The following NTRK3 variants were observed in gnomAD, a reference collection of about 807,000 sequenced individuals.
NTRK3 encodes neurotrophic receptor tyrosine kinase 3, also known as NT-3 growth factor receptor.
In NTRK3, 24 loss-of-function variants were observed where a neutral mutation model predicts 91.7. The observed-to-expected ratio is 0.26, with a 90% CI of 0.19 to 0.37. NTRK3 has a LOEUF of 0.37. Ranked by LOEUF, NTRK3 falls within the 10% of genes least tolerant of loss-of-function variation. The probability of loss-of-function intolerance (pLI) is 1.00; values close to 1 mark genes in which losing one functional copy is unlikely to be tolerated. For missense variants in NTRK3, 880 were observed against 1,068.9 expected (o/e 0.82, Z 2.46); for synonymous variants, 483 against 404.0 (o/e 1.20, Z -2.34).
At chr15:88,252,252 C>T (rs2053476080) in intron 3 of NTRK3, among the ~76,000 whole-genome samples, 1 of 152,084 alleles carries the variant, frequency 6.6e-6, no homozygotes, top group African/African-American at 2.4e-5. Flanking sequence ...GGGCCTGGCT[C>T]ATACCCTGCT....
At chr15:87,904,008 C>T (rs2066603572) in intron 17 of NTRK3, among the ~76,000 whole-genome samples, 1 of 152,092 alleles carries the variant, frequency 6.6e-6, no homozygotes. Context: ...TCCTTGTGTA[C>T]CCTGGACATG....
chr15:88,083,278 C>T (rs528073706), intron 13 of NTRK3, among the ~76,000 whole-genome samples: 19 of 152,124 alleles, frequency 1.2e-4, no homozygotes, highest in Admixed American at 1.0e-3. Flanking sequence ...TGGAGTGCAA[C>T]GGCCCAATCT....
chr15:88,149,368 T>A (rs1470833487), intron 5 of NTRK3, among the ~76,000 whole-genome samples: 2 of 152,154 alleles, frequency 1.3e-5, no homozygotes, highest in African/African-American at 4.8e-5. Context: ...CTCCCAAGTT[T>A]ACTGTTCTGC....
chr15:88,030,132 T>C (rs1449411463), intron 14 of NTRK3, among the ~76,000 whole-genome samples: 2 of 152,224 alleles, frequency 1.3e-5, no homozygotes. Flanking sequence ...TCTCATGATT[T>C]TCCTCTGATA....
chr15:88,109,276 G>T (rs2051062864), intron 13 of NTRK3, among the ~76,000 whole-genome samples: 1 of 152,146 alleles, frequency 6.6e-6, no homozygotes. Flanking sequence ...GGGGAAAATT[G>T]GGGCGTTCAG....
At chr15:87,867,676 T>C (rs1487047832) in exon 19 of NTRK3, 1 of 228,998 alleles carries the variant, frequency 4.4e-6, no homozygotes, top group Non-Finnish European at 8.7e-6. Context: ...TCCTGCCCCA[T>C]GCTAACCGTT....
intron 14 of NTRK3, among the ~76,000 whole-genome samples, chr15:88,016,982 C>T (rs1435458167): frequency 7.5e-6 from 1 of 133,088 alleles, no homozygotes; most frequent in Non-Finnish European, 1.6e-5. Context: ...AAAAAAAAAG[C>T]CCCTGACCAA....
chr15:87,881,714 C>A (rs955199555), intron 17 of NTRK3, among the ~76,000 whole-genome samples: 7 of 151,400 alleles, frequency 4.6e-5, no homozygotes, highest in African/African-American at 1.5e-4. Context: ...CCACCGCGCC[C>A]GGCCTAAAGT....
exon 19 of NTRK3, chr15:87,876,908 G>A (rs2141434071): frequency 6.2e-7 from 1 of 1,612,612 alleles, no homozygotes; most frequent in Non-Finnish European, 8.5e-7. Flanking sequence ...AGGCAACAGA[G>A]TATGAATTCA....
At chr15:88,082,657 G>T (rs1386943331) in intron 13 of NTRK3, among the ~76,000 whole-genome samples, 3 of 152,272 alleles carry the variant, frequency 2.0e-5, no homozygotes, top group African/African-American at 7.2e-5. Flanking sequence ...ATGTCCATGA[G>T]ACACTTATTA....
At chr15:88,147,855 C>T (rs571964219) in intron 5 of NTRK3, among the ~76,000 whole-genome samples, 1 of 152,280 alleles carries the variant, frequency 6.6e-6, no homozygotes, top group East Asian at 1.9e-4. Flanking sequence ...TCTCTCCCAG[C>T]AAACATGCCC....
intron 14 of NTRK3, among the ~76,000 whole-genome samples, chr15:88,031,880 C>T (rs761307219): frequency 1.3e-5 from 2 of 152,092 alleles, no homozygotes; most frequent in Non-Finnish European, 2.9e-5. Context: ...CTTCCTAGGC[C>T]CACCCTGCAA....
chr15:88,039,860 A>G lies in NTRK3; in HGVS notation c.1397-6815T>C, dbSNP rs144814868. ...TGGCTGGAATGGGACCTCACATTCT[A>G]TATTTGTCATGATTGGCTAGCAACT... On this transcript the variant is annotated intron_variant, in intron 13 of 18. Transcript: ENST00000394480. Among the ~76,000 whole-genome samples the G allele has an allele frequency of 2.9e-3, 440 of 152,330 alleles. 1 individual carries two copies. Among genetic ancestry groups the G allele is most frequent in the African/African-American group, 9.8e-3 (407 of 41,578 alleles).
chr15:88,071,242 C>A (rs145598715), intron 13 of NTRK3, among the ~76,000 whole-genome samples: 1 of 152,232 alleles, frequency 6.6e-6, no homozygotes, highest in Non-Finnish European at 1.5e-5. Flanking sequence ...AGGGCAGAAG[C>A]GGGTGCTACT....
intron 13 of NTRK3, among the ~76,000 whole-genome samples, chr15:88,036,780 C>T (rs766751335): frequency 6.6e-6 from 1 of 152,200 alleles, no homozygotes; most frequent in Non-Finnish European, 1.5e-5. Context: ...ACAAAGACCA[C>T]ACGCAACAGA....
At chr15:88,111,216 T>C (rs1276750711) in intron 13 of NTRK3, among the ~76,000 whole-genome samples, 1 of 152,186 alleles carries the variant, frequency 6.6e-6, no homozygotes, top group African/African-American at 2.4e-5. Flanking sequence ...TCCTTGAACC[T>C]GGATAGGGTC....
At position 88,106,130 on chromosome 15, in the gene NTRK3, G is replaced by A. The variant is rs143732932; in HGVS notation, c.1396+20141C>T. On this transcript the variant is annotated intron_variant, in intron 13 of 18. Coordinates refer to ENST00000394480, the Ensembl canonical transcript of NTRK3. Reference sequence around the variant, plus strand: ...GGCTTACCCAGTGGTTTCTGCTCATGGCAAAGCTGTGTCCCTCAGGCCTCT... The same window carrying A: ...GGCTTACCCAGTGGTTTCTGCTCATAGCAAAGCTGTGTCCCTCAGGCCTCT... Among the ~76,000 whole-genome samples, 6 of 152,330 alleles carry A rather than the reference G, an allele frequency of 3.9e-5. No homozygotes were observed. In the East Asian group the frequency reaches 1.2e-3, roughly 29 times the overall value.
At chr15:88,038,378 T>C (rs1016736568) in intron 13 of NTRK3, among the ~76,000 whole-genome samples, 10 of 152,148 alleles carry the variant, frequency 6.6e-5, no homozygotes, top group African/African-American at 1.9e-4. Context: ...AAAAAGCACA[T>C]AGGCCCATCA....
intron 13 of NTRK3, among the ~76,000 whole-genome samples, chr15:88,048,565 C>T (rs1209715792): frequency 2.0e-5 from 3 of 152,218 alleles, no homozygotes; most frequent in South Asian, 4.2e-4. Flanking sequence ...TGCAAAGAAG[C>T]CTTTGGCCCC....
Sources: allele counts gnomAD v4.1 joint callset (sites outside exome capture counted in the v4.1 genomes callset), GRCh38; gene constraint gnomAD v4.1.1; transcripts MANE v1.5; gene names NCBI Gene and HGNC (gene_info 2026-07-23, HGNC 2026-07-21).